The following PAK2 variants were observed in gnomAD, a reference collection of about 807,000 sequenced individuals.
PAK2 encodes p21 (RAC1) activated kinase 2.
In PAK2, 21 loss-of-function variants were observed where a neutral mutation model predicts 65.9. The ratio of observed to expected loss-of-function variants is 0.32; its 90% CI spans 0.23 to 0.46. PAK2 has a LOEUF of 0.46. Ranked by LOEUF, PAK2 falls within the 20% of genes least tolerant of loss-of-function variation. PAK2 has a pLI of 1.00. For missense variants in PAK2, 324 were observed against 642.6 expected (o/e 0.50, Z 5.36); for synonymous variants, 204 against 219.7 (o/e 0.93, Z 0.63).
chr3:196,783,198 A>T (rs185009290), intron 2 of PAK2, among the ~76,000 whole-genome samples: 80 of 152,150 alleles, frequency 5.3e-4, no homozygotes, highest in African/African-American at 1.9e-3. Context: ...TGTGTTTTGG[A>T]ATTAAGAGTT....
chr3:196,755,981 C>T (rs933286582), intron 1 of PAK2, among the ~76,000 whole-genome samples: 1 of 151,998 alleles, frequency 6.6e-6, no homozygotes, highest in African/African-American at 2.4e-5. Flanking sequence ...GTGTTGAACT[C>T]TTGACCTCAT....
At chr3:196,827,513 A>G in intron 14 of PAK2, 180 bp downstream of exon 14, 1 of 823,780 alleles carries the variant, frequency 1.2e-6, no homozygotes, top group Non-Finnish European at 1.5e-6. Flanking sequence ...ACAGAAAACC[A>G]AACACTGCAT....
chr3:196,794,973 A>G (rs1196804081), intron 2 of PAK2, among the ~76,000 whole-genome samples: 1 of 152,216 alleles, frequency 6.6e-6, no homozygotes, highest in Non-Finnish European at 1.5e-5. Flanking sequence ...CAGGTAAATT[A>G]CAGAGACTCT....
At chr3:196,780,663 C>G (rs1425605478) in intron 1 of PAK2, among the ~76,000 whole-genome samples, 1 of 152,066 alleles carries the variant, frequency 6.6e-6, no homozygotes, top group African/African-American at 2.4e-5. Flanking sequence ...TTTATTCTTT[C>G]TCTTTTGTAG....
chr3:196,826,317 G>A (rs978971463), intron 13 of PAK2, among the ~76,000 whole-genome samples: 10 of 151,820 alleles, frequency 6.6e-5, no homozygotes, highest in South Asian at 2.1e-4. Context: ...GACTACAGGC[G>A]CCCACCACCA....
At chr3:196,767,835 A>G (rs1714224084) in intron 1 of PAK2, among the ~76,000 whole-genome samples, 1 of 152,052 alleles carries the variant, frequency 6.6e-6, no homozygotes, top group Non-Finnish European at 1.5e-5. Flanking sequence ...TCACAACTAT[A>G]CTAAAAGCCA....
chr3:196,743,934 C>T (rs538236106), intron 1 of PAK2, among the ~76,000 whole-genome samples: 1 of 152,248 alleles, frequency 6.6e-6, no homozygotes, highest in Admixed American at 6.5e-5. Flanking sequence ...AACGAAGTTT[C>T]TGAGACCGTA....
intron 1 of PAK2, among the ~76,000 whole-genome samples, chr3:196,752,661 G>A (rs907471720): frequency 1.2e-4 from 18 of 152,148 alleles, no homozygotes; most frequent in Admixed American, 1.0e-3. Context: ...GTGCAATGGC[G>A]CAATCTCAGC....
At chr3:196,749,158 C>A (rs966384355) in intron 1 of PAK2, among the ~76,000 whole-genome samples, 2 of 151,846 alleles carry the variant, frequency 1.3e-5, no homozygotes, top group Admixed American at 1.3e-4. Context: ...TCAGTAGACA[C>A]TTGGATTGCT....
intron 1 of PAK2, among the ~76,000 whole-genome samples, chr3:196,769,622 T>G (rs559711189): frequency 6.9e-6 from 1 of 145,944 alleles, no homozygotes; most frequent in Non-Finnish European, 1.5e-5. Flanking sequence ...CTGTCCTGGC[T>G]AACACGGTGA....
In PAK2 at chr3:196,807,854, T is replaced by C. The variant is rs1193605605; in HGVS notation, c.649T>C (p.Ser217Pro). The C allele has an allele frequency of 6.2e-7, 1 of 1,611,960 alleles. No individual in the cohort carries two copies. Among genetic ancestry groups the C allele is most frequent in the African/African-American group, 1.3e-5 (1 of 74,898 alleles). Residue 217 changes from serine to proline, a missense_variant, in exon 7 of 15, where the codon TCT becomes CCT. Coordinates refer to ENST00000327134, the MANE Select transcript of PAK2 (RefSeq NM_002577.4). ...TTCACATGTTGATGGTGCTGCCAAG[T>C]CTTTAGACAAACAGAAAAAGAAGAC... ...GDSHVDGAAK[S>P]LDKQKKKTKM...
chr3:196,802,663 T>C (rs1033890211), intron 3 of PAK2, among the ~76,000 whole-genome samples: 7 of 152,048 alleles, frequency 4.6e-5, no homozygotes, highest in African/African-American at 1.7e-4. Flanking sequence ...GCTAACATGG[T>C]GAAACCCCGT....
At chr3:196,811,184 C>A in intron 8 of PAK2, among the ~76,000 whole-genome samples, 1 of 145,840 alleles carries the variant, frequency 6.9e-6, no homozygotes, top group African/African-American at 2.5e-5. Context: ...TGAAAACTTC[C>A]ATATGAATTC....
chr3:196,757,173 T>C (rs1391292540), intron 1 of PAK2, among the ~76,000 whole-genome samples: 1 of 152,118 alleles, frequency 6.6e-6, no homozygotes, highest in African/African-American at 2.4e-5. Context: ...AACAGGTAAC[T>C]CAAGGTGACT....
intron 1 of PAK2, among the ~76,000 whole-genome samples, chr3:196,781,540 T>C (rs1714713654): frequency 3.3e-5 from 5 of 152,250 alleles, no homozygotes; most frequent in Admixed American, 3.3e-4. Flanking sequence ...AGCCATGCTC[T>C]GTGTTTAATT....
At chr3:196,747,494 T>C (rs80257403) in intron 1 of PAK2, among the ~76,000 whole-genome samples, 2,281 of 152,326 alleles carry the variant, frequency 0.015, 53 homozygotes, top group African/African-American at 0.052. Flanking sequence ...AGGAGGTATT[T>C]AGGATAATTC....
chr3:196,767,246 T>A (rs1340380156), intron 1 of PAK2, among the ~76,000 whole-genome samples: 1 of 152,156 alleles, frequency 6.6e-6, no homozygotes, highest in African/African-American at 2.4e-5. Context: ...TGCATATATC[T>A]TTTTGTATTT....
intron 1 of PAK2, among the ~76,000 whole-genome samples, chr3:196,751,695 A>ATATATATATATATATAAAAATTAC (rs201718807): frequency 1.5e-5 from 1 of 65,710 alleles, no homozygotes; most frequent in Non-Finnish European, 3.0e-5. Flanking sequence ...ATATATATAT[A>ATATATATATATATATAAAAATTAC]ATTCAGGCTA....
At chr3:196,758,917 C>G (rs2108717588) in intron 1 of PAK2, among the ~76,000 whole-genome samples, 1 of 152,228 alleles carries the variant, frequency 6.6e-6, no homozygotes, top group Non-Finnish European at 1.5e-5. Flanking sequence ...CTCAGTGTGC[C>G]AAAGTGCTGG....
Sources: gnomAD v4.1 joint callset for allele counts (sites outside exome capture counted in the v4.1 genomes callset) on GRCh38, gnomAD v4.1.1 for gene constraint, MANE v1.5 for transcripts, NCBI Gene and HGNC (gene_info 2026-07-23, HGNC 2026-07-21) for gene names.